NCOA7: variants seen among roughly 807,000 people sequenced by gnomAD.
NCOA7 encodes the protein 140 kDa estrogen receptor-associated protein.
In NCOA7, 45 loss-of-function variants were observed where a neutral mutation model predicts 104.3. That is an observed-to-expected ratio of 0.43 (90% CI 0.34 to 0.55). The LOEUF (loss-of-function observed/expected upper bound fraction) is 0.55. Ranked by LOEUF, NCOA7 falls within the 20% of genes least tolerant of loss-of-function variation. NCOA7 has a pLI of 0.02. For synonymous variants in NCOA7, 398 were observed against 402.3 expected, an observed-to-expected ratio of 0.99 and a Z score of 0.13; for missense variants, 1,041 against 1,119.7, an observed-to-expected ratio of 0.93 and a Z score of 1.00.
chr6:125,800,576 T>C (rs1775789001), intron 1 of NCOA7, among the ~76,000 whole-genome samples: 2 of 152,236 alleles, frequency 1.3e-5, no homozygotes, highest in African/African-American at 4.8e-5. Context: ...AATCAACTTA[T>C]TAAACATAAA....
chr6:125,865,652 A>G (rs1390736111), intron 3 of NCOA7, among the ~76,000 whole-genome samples: 1 of 136,118 alleles, frequency 7.3e-6, no homozygotes, highest in East Asian at 2.1e-4. Context: ...ATTTCTTTTT[A>G]AAGTTTATTT....
chr6:125,890,899 T>C (rs1562148262), intron 10 of NCOA7, 89 bp downstream of exon 10: 9 of 1,222,114 alleles, frequency 7.4e-6, no homozygotes, highest in Non-Finnish European at 9.9e-6. Context: ...TTAATTTTAT[T>C]CTTGAATAAG....
intron 13 of NCOA7, among the ~76,000 whole-genome samples, chr6:125,926,877 C>T (rs949460483): frequency 6.6e-6 from 1 of 152,220 alleles, no homozygotes; most frequent in Non-Finnish European, 1.5e-5. Context: ...ATGCTCACCC[C>T]TGCAAGTGCT....
intron 4 of NCOA7, among the ~76,000 whole-genome samples, chr6:125,877,802 G>A (rs1162987677): frequency 6.6e-6 from 1 of 152,148 alleles, no homozygotes; most frequent in Non-Finnish European, 1.5e-5. Context: ...GCAGTGTGCT[G>A]AGCCCAGGAG....
chr6:125,886,266 C>G (rs1229409167), intron 8 of NCOA7, among the ~76,000 whole-genome samples: 1 of 151,986 alleles, frequency 6.6e-6, no homozygotes, highest in Non-Finnish European at 1.5e-5. Context: ...GTCCACTCAG[C>G]CCTTCCCCAA....
intron 2 of NCOA7, among the ~76,000 whole-genome samples, chr6:125,834,848 A>G (rs9491510): frequency 0.036 from 5,482 of 152,294 alleles, 322 homozygotes; most frequent in African/African-American, 0.12. Context: ...GTGATGTGCC[A>G]GGAATTCTTG....
intron 8 of NCOA7, among the ~76,000 whole-genome samples, chr6:125,887,086 G>A (rs1177234107): frequency 6.6e-6 from 1 of 152,238 alleles, no homozygotes; most frequent in Non-Finnish European, 1.5e-5. Flanking sequence ...AGCAGATGGT[G>A]AAATTAATCT....
chr6:125,900,148 C>T (rs966147401), intron 10 of NCOA7: 2 of 421,096 alleles, frequency 4.7e-6, no homozygotes, highest in Admixed American at 2.4e-5. Flanking sequence ...GGCTGTGGAC[C>T]TCTGTAGCTA....
chr6:125,818,670 T>G (rs1271720735), intron 2 of NCOA7: 1 of 152,240 alleles, frequency 6.6e-6, no homozygotes, highest in Admixed American at 6.5e-5. Flanking sequence ...GTCAAGCTAT[T>G]AAAAGCAAAA....
chr6:125,823,895 G>GTGTT (rs1311241833), intron 2 of NCOA7, among the ~76,000 whole-genome samples: 2 of 152,062 alleles, frequency 1.3e-5, no homozygotes, highest in African/African-American at 4.8e-5. Context: ...ATATCAGAAT[G>GTGTT]TGTTGTATGT....
chr6:125,866,145 C>A (rs1273253397), intron 3 of NCOA7, among the ~76,000 whole-genome samples: 1 of 138,220 alleles, frequency 7.2e-6, no homozygotes, highest in African/African-American at 3.0e-5. Flanking sequence ...GCGTGACCAA[C>A]ATGGAGAAAC....
chr6:125,791,639 A>T (rs1020992893), intron 1 of NCOA7, among the ~76,000 whole-genome samples: 14 of 152,130 alleles, frequency 9.2e-5, no homozygotes, highest in Non-Finnish European at 1.6e-4. Flanking sequence ...TATTCTGGAG[A>T]TCGATGAGGC....
intron 10 of NCOA7, among the ~76,000 whole-genome samples, chr6:125,891,239 G>A (rs1159580327): frequency 6.6e-6 from 1 of 152,134 alleles, no homozygotes; most frequent in Non-Finnish European, 1.5e-5. Flanking sequence ...CCTTATGGAG[G>A]GAGCATCTGT....
chr6:125,821,039 T>G, intron 2 of NCOA7, among the ~76,000 whole-genome samples: 1 of 152,280 alleles, frequency 6.6e-6, no homozygotes, highest in South Asian at 2.1e-4. Context: ...AGTGGCTTGA[T>G]GAACCGTCAT....
At chr6:125,843,318 A>T (rs534507037) in intron 2 of NCOA7, among the ~76,000 whole-genome samples, 1 of 152,130 alleles carries the variant, frequency 6.6e-6, no homozygotes, top group Non-Finnish European at 1.5e-5. Context: ...AGAACCTCTA[A>T]TGGGGAGGAT....
intron 3 of NCOA7, among the ~76,000 whole-genome samples, chr6:125,871,146 G>C (rs768518117): frequency 6.6e-6 from 1 of 152,216 alleles, no homozygotes; most frequent in Non-Finnish European, 1.5e-5. Context: ...TTAGGTTCTT[G>C]TACACGGGGA....
chr6:125,878,348 C>T lies in NCOA7; in HGVS notation c.437C>T (p.Thr146Ile), dbSNP rs1395791948. 2.5e-6 allele frequency: 4 copies of T among 1,611,330 alleles called. No individual in the cohort carries two copies. In the East Asian group the frequency reaches 9.0e-5, roughly 36 times the overall value. ...NKLVELNKLF[T>I]HTIVPGQVLF... ...TTGGTGGAACTGAATAAACTTTTCACACATACTATTGTTCCAGGCCAGGTA... is the reference window on the plus strand; with the variant it reads ...TTGGTGGAACTGAATAAACTTTTCATACATACTATTGTTCCAGGCCAGGTA... The change falls in exon 5 of 16, where the codon ACA becomes ATA. Residue 146 changes from threonine (T) to isoleucine (I), a missense_variant. Around this residue, in one of 2 missense-constraint regions of NCOA7, gnomAD observed 914 missense variants for 942.7 expected, o/e 0.97. Transcript: ENST00000392477.
intron 1 of NCOA7, among the ~76,000 whole-genome samples, chr6:125,797,290 T>C (rs1457929195): frequency 6.6e-6 from 1 of 152,204 alleles, no homozygotes; most frequent in African/African-American, 2.4e-5. Flanking sequence ...TGAAATACTT[T>C]TAATTCCAAC....
intron 10 of NCOA7, among the ~76,000 whole-genome samples, chr6:125,901,839 G>A (rs1327326807): frequency 6.6e-6 from 1 of 152,128 alleles, no homozygotes; most frequent in Admixed American, 6.5e-5. Context: ...AGTAGAAGTG[G>A]CTTTCAGTGG....
Sources: gnomAD v4.1 joint callset for allele counts (sites outside exome capture counted in the v4.1 genomes callset) on GRCh38, gnomAD v4.1.1 for gene constraint, gnomAD v4.1.1 regional missense constraint, MANE v1.5 for transcripts, NCBI Gene and HGNC (gene_info 2026-07-23, HGNC 2026-07-21) for gene names.